Variants in TMCO4 observed in about 807,000 individuals in gnomAD.
TMCO4 encodes the protein transmembrane and coiled-coil domains 4, also known as transmembrane and coiled-coil domain-containing protein 4.
Under a neutral mutation model 64.7 loss-of-function variants are expected in TMCO4, and 58 were observed. That is an observed-to-expected ratio of 0.90 (90% CI 0.73 to 1.12). The LOEUF is 1.12. Ranked by LOEUF, TMCO4 falls within the 50% of genes most tolerant of loss-of-function variation. TMCO4 has a pLI of 0.00. For synonymous variants in TMCO4, 325 were observed against 346.1 expected, an observed-to-expected ratio of 0.94 and a Z score of 0.68; for missense variants, 780 against 825.9, an observed-to-expected ratio of 0.94 and a Z score of 0.68.
At chr1:19,781,840 G>A (rs999985574) in intron 3 of TMCO4, among the ~76,000 whole-genome samples, 8 of 152,192 alleles carry the variant, frequency 5.3e-5, no homozygotes, top group African/African-American at 1.9e-4. Context: ...TAGAGACGGG[G>A]TTTCACTGTG....
intron 7 of TMCO4, among the ~76,000 whole-genome samples, chr1:19,751,080 G>T (rs1056550058): frequency 1.3e-5 from 2 of 152,172 alleles, no homozygotes; most frequent in Non-Finnish European, 2.9e-5. Context: ...GAAAATTGCT[G>T]AGCTAAGCTC....
intron 4 of TMCO4, among the ~76,000 whole-genome samples, chr1:19,774,189 C>T (rs2043108871): frequency 6.6e-6 from 1 of 152,156 alleles, no homozygotes; most frequent in African/African-American, 2.4e-5. Context: ...GTAAACCAAA[C>T]GTTACTTAGA....
chr1:19,737,787 T>C (rs928033657), intron 12 of TMCO4, among the ~76,000 whole-genome samples: 1 of 152,258 alleles, frequency 6.6e-6, no homozygotes, highest in Non-Finnish European at 1.5e-5. Flanking sequence ...CAAGAGCAAC[T>C]TCCCTTGCAC....
At chr1:19,763,122 C>G (rs1474094464) in intron 6 of TMCO4, among the ~76,000 whole-genome samples, 2 of 151,762 alleles carry the variant, frequency 1.3e-5, no homozygotes, top group Non-Finnish European at 1.5e-5. Flanking sequence ...GTCACCCAGG[C>G]TGGAGTGCAG....
chr1:19,748,169 G>A (rs868328903), intron 7 of TMCO4, among the ~76,000 whole-genome samples: 8 of 152,314 alleles, frequency 5.3e-5, no homozygotes, highest in South Asian at 2.1e-4. Flanking sequence ...GAACTGTGAG[G>A]ATCCAGAAAT....
intron 13 of TMCO4, among the ~76,000 whole-genome samples, chr1:19,727,893 T>C (rs1167073444): frequency 1.3e-5 from 2 of 152,182 alleles, no homozygotes; most frequent in African/African-American, 4.8e-5. Context: ...AATGAGATCA[T>C]GCCCTCTGCA....
intron 4 of TMCO4, among the ~76,000 whole-genome samples, chr1:19,774,521 A>G (rs1051743139): frequency 3.9e-5 from 6 of 152,220 alleles, no homozygotes; most frequent in Admixed American, 6.5e-5. Context: ...AGCACTAGAG[A>G]GTAATGTGTT....
In TMCO4 at chr1:19,700,783, A is replaced by G. The variant is rs776212390; in HGVS notation, c.1367T>C (p.Ile456Thr). 6.2e-7 allele frequency: 1 copy of G among 1,614,142 alleles called. No individual in the cohort carries two copies. Among genetic ancestry groups the G allele is most frequent in the South Asian group, 1.1e-5 (1 of 91,086 alleles). Residue 456 changes from isoleucine to threonine, a missense_variant, in exon 14 of 16, where the codon ATC (isoleucine) becomes ACC (threonine). Ile to Thr is a moderately conservative substitution (Grantham distance 89). Transcript: ENST00000294543. ...PFRKVVSGRI[I>T]NGYCRGDWLL... is the part of the protein sequence containing the mutation. ...TTGGACAGACCTGCAGTAGCCGTTGATGATCCTCCCGGACACCACCTTCCG... is the reference window on the plus strand; with the variant it reads ...TTGGACAGACCTGCAGTAGCCGTTGGTGATCCTCCCGGACACCACCTTCCG...
intron 4 of TMCO4, among the ~76,000 whole-genome samples, chr1:19,779,846 T>A (rs573331250): frequency 1.6e-4 from 24 of 152,356 alleles, no homozygotes; most frequent in Non-Finnish European, 3.2e-4. Flanking sequence ...GGGGATGGTA[T>A]CTGTCTCATT....
intron 1 of TMCO4, among the ~76,000 whole-genome samples, chr1:19,798,715 T>A (rs2044454324): frequency 6.6e-6 from 1 of 152,156 alleles, no homozygotes; most frequent in South Asian, 2.1e-4. Flanking sequence ...GCCAGTGGTC[T>A]CCCCTGTGCC....
chr1:19,784,699 C>T (rs1264083057), intron 3 of TMCO4, among the ~76,000 whole-genome samples: 1 of 152,054 alleles, frequency 6.6e-6, no homozygotes. Context: ...CTGCAAAAGC[C>T]TCCCATCACA....
intron 13 of TMCO4, among the ~76,000 whole-genome samples, chr1:19,728,968 A>G (rs1466540977): frequency 3.3e-5 from 5 of 152,186 alleles, no homozygotes; most frequent in African/African-American, 4.8e-5. Context: ...CTGCTAATTG[A>G]CCGTGAAGTT....
rs907707994 is a variant in TMCO4, at chr1:19,747,225, C to T, written c.551G>A (p.Arg184Gln). The change falls in exon 8 of 16, where the codon CGG becomes CAG. Residue 184 changes from arginine to glutamine, a missense_variant. Transcript: ENST00000294543. The stretch of plus-strand genomic sequence containing the variant: ...CAGGAGATAACGCTTCCATTTCCTC[C>T]GGTTTTCTTTCTTCTTTCGGGATGC... The part of the protein sequence containing the change: ...AEASRKKKEN[R>Q]RKWKRYLLIG... The T allele has an allele frequency of 2.0e-5, 33 of 1,613,908 alleles. No individual in the cohort carries two copies. The highest frequency in any genetic ancestry group is 1.2e-4 in the Admixed American group (7 of 60,008).
chr1:19,721,778 G>T (rs565772702), intron 13 of TMCO4, among the ~76,000 whole-genome samples: 2 of 151,914 alleles, frequency 1.3e-5, no homozygotes, highest in African/African-American at 4.8e-5. Flanking sequence ...GACAGAGGGA[G>T]ACCCTGTCTC....
intron 12 of TMCO4, 66 bp downstream of exon 12, chr1:19,739,757 GT>G: frequency 6.4e-7 from 1 of 1,565,426 alleles, no homozygotes; most frequent in Non-Finnish European, 8.7e-7. Context: ...GCTGATATCT[GT>G]GAACAAGTCA....
chr1:19,793,601 G>A (rs2044161491), intron 2 of TMCO4, among the ~76,000 whole-genome samples: 1 of 152,206 alleles, frequency 6.6e-6, no homozygotes. Flanking sequence ...AGGTCTCCAT[G>A]ACAACAGTTC....
At chr1:19,707,217 C>T (rs939498249) in intron 13 of TMCO4, among the ~76,000 whole-genome samples, 1 of 152,182 alleles carries the variant, frequency 6.6e-6, no homozygotes, top group Non-Finnish European at 1.5e-5. Context: ...TGATGTGGGG[C>T]CTGGTGGGAG....
intron 13 of TMCO4, among the ~76,000 whole-genome samples, chr1:19,716,165 T>TATTATTATTATTA (rs148511891): frequency 2.7e-4 from 39 of 144,904 alleles, no homozygotes; most frequent in African/African-American, 9.3e-4. Flanking sequence ...TTATTTTTAT[T>TATTATTATTATTA]TTATTATTAT....
chr1:19,727,593 T>A (rs1157864760), intron 13 of TMCO4, among the ~76,000 whole-genome samples: 1 of 152,240 alleles, frequency 6.6e-6, no homozygotes, highest in East Asian at 1.9e-4. Flanking sequence ...AGGTCTCATA[T>A]GGTATATTGC....
Sources: gnomAD v4.1 joint callset for allele counts (sites outside exome capture counted in the v4.1 genomes callset) on GRCh38, gnomAD v4.1.1 for gene constraint, MANE v1.5 for transcripts, NCBI Gene and HGNC (gene_info 2026-07-23, HGNC 2026-07-21) for gene names.